The following NKAIN3 variants were observed in gnomAD, a reference collection of about 807,000 sequenced individuals.
The protein encoded by NKAIN3 is sodium/potassium-transporting ATPase subunit beta-1-interacting protein 3.
A neutral mutation model predicts 30.2 loss-of-function variants in NKAIN3; 25 were observed. The observed-to-expected ratio is 0.83, with a 90% CI of 0.60 to 1.16. The LOEUF (loss-of-function observed/expected upper bound fraction) is 1.16, where lower values mean the gene tolerates loss of function less well. NKAIN3 is among the 50% of genes most tolerant of loss of function. The pLI, the probability that NKAIN3 is intolerant of heterozygous loss-of-function variation, is 0.00. For synonymous variants in NKAIN3, 91 were observed against 89.6 expected (o/e 1.02, Z -0.09); for missense variants, 225 against 254.1 (o/e 0.89, Z 0.78).
chr8:62,731,523 C>A (rs1234962997), intron 3 of NKAIN3, among the ~76,000 whole-genome samples: 3 of 151,996 alleles, frequency 2.0e-5, no homozygotes, highest in Admixed American at 6.5e-5. Flanking sequence ...TGTTTTCATC[C>A]CCTTGACAAA....
intron 1 of NKAIN3, among the ~76,000 whole-genome samples, chr8:62,315,286 A>T (rs768096956): frequency 4.6e-5 from 7 of 152,210 alleles, no homozygotes; most frequent in Non-Finnish European, 7.3e-5. Flanking sequence ...CACAAATTGT[A>T]GTGTAAACAT....
intron 4 of NKAIN3, among the ~76,000 whole-genome samples, chr8:62,899,115 C>T (rs1410519523): frequency 6.6e-6 from 1 of 152,102 alleles, no homozygotes; most frequent in African/African-American, 2.4e-5. Flanking sequence ...AAAGGGAACC[C>T]TTGTATACTG....
intron 1 of NKAIN3, among the ~76,000 whole-genome samples, chr8:62,411,306 T>G (rs1804229691): frequency 6.6e-6 from 1 of 152,134 alleles, no homozygotes; most frequent in African/African-American, 2.4e-5. Context: ...AAACATGAGA[T>G]CCTTTCAATA....
intron 4 of NKAIN3, among the ~76,000 whole-genome samples, chr8:62,762,812 T>C (rs912080764): frequency 2.0e-5 from 3 of 148,684 alleles, no homozygotes; most frequent in Non-Finnish European, 4.6e-5. Flanking sequence ...ATGACAGAGT[T>C]GAGAGATTTT....
At chr8:62,755,729 G>T (rs548498709) in intron 4 of NKAIN3, among the ~76,000 whole-genome samples, 1 of 152,150 alleles carries the variant, frequency 6.6e-6, no homozygotes, top group East Asian at 1.9e-4. Context: ...AACTATTAAA[G>T]ATTTAGACTG....
rs3032932 is a variant in NKAIN3, at chr8:62,751,814, C to CTGTGTGTGTGTGTGTGTGTGTG, written c.471+4691_471+4712dup. Among the ~76,000 whole-genome samples the CTGTGTGTGTGTGTGTGTGTGTG allele has an allele frequency of 1.3e-3, 189 of 146,678 alleles. 2 individuals are homozygous for CTGTGTGTGTGTGTGTGTGTGTG. Among genetic ancestry groups the CTGTGTGTGTGTGTGTGTGTGTG allele is most frequent in the African/African-American group, 4.1e-3 (163 of 39,852 alleles). On this transcript the variant is annotated intron_variant, in intron 4 of 6. Transcript: ENST00000623646. ...TTATACACAATGTTATACTAAAAAA[C>CTGTGTGTGTGTGTGTGTGTGTG]TGTGTGTGTGTGTGTGTGTGTGTGT...
intron 5 of NKAIN3, among the ~76,000 whole-genome samples, chr8:62,935,714 T>C (rs1822764075): frequency 6.6e-6 from 1 of 152,024 alleles, no homozygotes; most frequent in Non-Finnish European, 1.5e-5. Context: ...AAATATTGAG[T>C]GATAATACAA....
chr8:62,966,703 A>AATCACTATT lies in NKAIN3; in HGVS notation c.*1297_*1305dup, dbSNP rs1318592234. 2.6e-5 allele frequency among the ~76,000 whole-genome samples: 4 copies of AATCACTATT among 152,200 alleles called. No individual in the cohort carries two copies. Among genetic ancestry groups the AATCACTATT allele is most frequent in the African/African-American group, 4.8e-5 (2 of 41,458 alleles). ...CACATCACTTTTGCCCACACTTCTC[A>AATCACTATT]ATCACTATTTTTTATATGAAAATAA... On this transcript the variant is annotated 3_prime_UTR_variant, in exon 7 of 7. Coordinates refer to ENST00000623646, the MANE Select transcript of NKAIN3 (RefSeq NM_001304533.3).
chr8:62,350,494 TAGAG>T (rs1433053061), intron 1 of NKAIN3, among the ~76,000 whole-genome samples: 1 of 151,984 alleles, frequency 6.6e-6, no homozygotes, highest in African/African-American at 2.4e-5. Context: ...TGTTAATGGA[TAGAG>T]TTACAGCGTG....
intron 4 of NKAIN3, among the ~76,000 whole-genome samples, chr8:62,854,477 G>A (rs1027526060): frequency 6.6e-6 from 1 of 152,072 alleles, no homozygotes; most frequent in Non-Finnish European, 1.5e-5. Context: ...TTTGATCTTT[G>A]TTAGTTTAAA....
At chr8:62,273,533 C>G (rs1373799644) in intron 1 of NKAIN3, among the ~76,000 whole-genome samples, 2 of 152,166 alleles carry the variant, frequency 1.3e-5, no homozygotes. Flanking sequence ...TTCTATCATG[C>G]AGCAGACAGT....
At chr8:62,931,032 A>T (rs1470323235) in intron 5 of NKAIN3, among the ~76,000 whole-genome samples, 2 of 152,218 alleles carry the variant, frequency 1.3e-5, no homozygotes, top group East Asian at 3.8e-4. Context: ...ATCTGTTTAA[A>T]TTCAATAGTC....
intron 1 of NKAIN3, among the ~76,000 whole-genome samples, chr8:62,412,725 G>A (rs1028993797): frequency 1.3e-5 from 2 of 150,894 alleles, no homozygotes; most frequent in Non-Finnish European, 3.0e-5. Flanking sequence ...GTTTAGTAGA[G>A]ACATGGTGAA....
chr8:62,565,994 C>A (rs1297436846), intron 1 of NKAIN3, among the ~76,000 whole-genome samples: 1 of 152,138 alleles, frequency 6.6e-6, no homozygotes, highest in East Asian at 1.9e-4. Flanking sequence ...ATGCTTGTTG[C>A]TTTTGCCCAC....
intron 1 of NKAIN3, among the ~76,000 whole-genome samples, chr8:62,397,016 A>G (rs1229663956): frequency 6.6e-6 from 1 of 152,158 alleles, no homozygotes; most frequent in Non-Finnish European, 1.5e-5. Flanking sequence ...ATTATTTAGG[A>G]TATTGGGATA....
chr8:62,272,632 T>C (rs1234886976), intron 1 of NKAIN3, among the ~76,000 whole-genome samples: 2 of 152,118 alleles, frequency 1.3e-5, no homozygotes, highest in Non-Finnish European at 2.9e-5. Context: ...TCTACTAAGG[T>C]TATTCTTACA....
At chr8:62,313,387 T>A (rs1563929424) in intron 1 of NKAIN3, among the ~76,000 whole-genome samples, 1 of 152,150 alleles carries the variant, frequency 6.6e-6, no homozygotes, top group Non-Finnish European at 1.5e-5. Context: ...TCTTTCAGAA[T>A]CCTATTTAGA....
chr8:62,804,580 G>T (rs982984976), intron 4 of NKAIN3, among the ~76,000 whole-genome samples: 4 of 152,130 alleles, frequency 2.6e-5, no homozygotes, highest in South Asian at 2.1e-4. Flanking sequence ...TGCAGAAAAG[G>T]CCTTTGACAA....
At chr8:62,267,369 C>T (rs2129391568) in intron 1 of NKAIN3, among the ~76,000 whole-genome samples, 1 of 152,254 alleles carries the variant, frequency 6.6e-6, no homozygotes, top group East Asian at 1.9e-4. Flanking sequence ...GTCAGTGAAA[C>T]ATGGTAAAAT....
Sources: gnomAD v4.1 joint callset for allele counts (sites outside exome capture counted in the v4.1 genomes callset) on GRCh38, gnomAD v4.1.1 for gene constraint, MANE v1.5 for transcripts, NCBI Gene and HGNC (gene_info 2026-07-23, HGNC 2026-07-21) for gene names.